PAX7: variants seen among roughly 807,000 people sequenced by gnomAD.
The protein encoded by PAX7 is paired box protein Pax-7.
Under a neutral mutation model 50.7 loss-of-function variants are expected in PAX7, and 18 were observed. The observed-to-expected ratio is 0.36, with a 90% CI of 0.25 to 0.53. The LOEUF is 0.53. Ranked by LOEUF, PAX7 falls within the 20% of genes least tolerant of loss-of-function variation. The pLI, the probability that PAX7 is intolerant of heterozygous loss-of-function variation, is 0.93. For synonymous variants in PAX7, 310 were observed against 290.4 expected, an observed-to-expected ratio of 1.07 and a Z score of -0.69; for missense variants, 644 against 702.9, an observed-to-expected ratio of 0.92 and a Z score of 0.95.
In PAX7 at chr1:18,634,998, A is replaced by G. The variant is rs1364546657; in HGVS notation, c.322-113A>G. On this transcript the variant is annotated intron_variant, in intron 2 of 8. Transcript: ENST00000420770. The surrounding 1 kb of genome is among the most constrained non-coding windows in gnomAD (Gnocchi z 4.0). ...AATCTCTTGGGGGATGGGGGGACAC[A>G]AGGTAACCAGAACCACCAGCCTGGT... The G allele has an allele frequency of 7.6e-7, 1 of 1,321,878 alleles. No homozygotes were observed. The highest frequency in any genetic ancestry group is 2.5e-5 in the East Asian group (1 of 40,378). The allele number at this position is 1,321,878 out of a possible 1,614,324, so 81.9% of individuals were successfully genotyped here.
chr1:18,710,713 C>T (rs761294699), intron 7 of PAX7, among the ~76,000 whole-genome samples: 8 of 152,028 alleles, frequency 5.3e-5, no homozygotes, highest in Admixed American at 2.6e-4. Context: ...TTGAATGCTG[C>T]GTTTGTCCAC....
rs114894680 is a variant in PAX7, at chr1:18,644,076, G to A, written c.586+7705G>A. Among the ~76,000 whole-genome samples, 208 of 152,348 alleles carry A rather than the reference G, an allele frequency of 1.4e-3. 2 individuals carry two copies. Among genetic ancestry groups the A allele is most frequent in the African/African-American group, 4.8e-3 (200 of 41,580 alleles). ...AGTTCTTGGGAAGGGATGGCGCTCC[G>A]GCCACTTTCCCCTCTTCCAGGCTGC... On this transcript the variant is annotated intron_variant, in intron 4 of 8. Coordinates refer to ENST00000420770, the MANE Select transcript of PAX7 (RefSeq NM_001135254.2).
rs544822656 is a variant in PAX7 at position 18,636,499 on chromosome 1, G to T, written c.586+128G>T. The stretch of plus-strand genomic sequence containing the variant: ...TCCAGCGGAGAAACTCTCATGCTGC[G>T]GGGCAGCTGGGAGCCGCTCAGGCTT... On this transcript the variant is annotated intron_variant, in intron 4 of 8. Transcript: ENST00000420770. The surrounding 1 kb of genome is among the most constrained non-coding windows in gnomAD (Gnocchi z 5.1). 2.7e-5 allele frequency: 32 copies of T among 1,204,888 alleles called. No homozygotes were observed. Among genetic ancestry groups the T allele is most frequent in the Admixed American group, 1.9e-4 (8 of 42,064 alleles). The allele number at this position is 1,204,888 out of a possible 1,614,324, so 74.6% of individuals were successfully genotyped here. A position where few individuals can be genotyped will look rare whatever the true frequency, so the allele number is the denominator to read the frequency against.
rs141648960 is a variant in PAX7 at position 18,635,432 on chromosome 1, G to C, written c.451+192G>C. Among the ~76,000 whole-genome samples, 12 of 151,512 alleles carry C rather than the reference G, an allele frequency of 7.9e-5. No homozygotes were observed. In the East Asian group the frequency reaches 1.6e-3, roughly 20 times the overall value. Reference sequence around the variant, plus strand: ...AATCAAAACAGAATGGAATAAGATGGAAAGAAGGAATAGGGAAAGAAAAAA... The same window carrying C: ...AATCAAAACAGAATGGAATAAGATGCAAAGAAGGAATAGGGAAAGAAAAAA... On this transcript the variant is annotated intron_variant, in intron 3 of 8. Transcript: ENST00000420770.
rs554088819 is a variant in PAX7, at chr1:18,697,495, G to A, written c.787-3158G>A. ...CTCATTTGAGGTCCAGAACCACCTA[G>A]GAGGTGGCTGTTATTAGCCCCATTT... is the stretch of plus-strand genomic sequence containing the variant. On this transcript the variant is annotated intron_variant, in intron 5 of 8. Transcript: ENST00000420770. 3.5e-4 allele frequency among the ~76,000 whole-genome samples: 53 copies of A among 152,256 alleles called. 1 individual carries two copies. The highest frequency in any genetic ancestry group is 3.4e-3 in the Middle Eastern group (1 of 294).
chr1:18,631,794 AG>A, intron 1 of PAX7, 106 bp downstream of exon 1: 1 of 910,310 alleles, frequency 1.1e-6, no homozygotes, highest in Admixed American at 2.1e-5. Context: ...GCGATAGCAG[AG>A]GGATCCCGTT....
chr1:18,677,828 A>C (rs1557524689), intron 4 of PAX7, among the ~76,000 whole-genome samples: 1 of 152,124 alleles, frequency 6.6e-6, no homozygotes, highest in African/African-American at 2.4e-5. Flanking sequence ...TCACGGCTGT[A>C]ATCTCAGCAC....
chr1:18,667,445 A>T (rs1173764180), intron 4 of PAX7, among the ~76,000 whole-genome samples: 1 of 144,050 alleles, frequency 6.9e-6, no homozygotes, highest in Non-Finnish European at 1.5e-5. Flanking sequence ...GAAGGAAGGA[A>T]GGAAGGAGCT....
intron 7 of PAX7, among the ~76,000 whole-genome samples, chr1:18,727,712 G>A (rs763594026): frequency 5.3e-5 from 8 of 152,228 alleles, no homozygotes; most frequent in East Asian, 1.9e-4. Context: ...TTAGAAAAGC[G>A]TTCATGGAGG....
chr1:18,700,544 G>T lies in PAX7; in HGVS notation c.787-109G>T. 9.8e-7 allele frequency: 1 copy of T among 1,016,466 alleles called. No individual in the cohort carries two copies. Among genetic ancestry groups the T allele is most frequent in the East Asian group, 2.8e-5 (1 of 35,126 alleles). 63.0% of individuals were successfully genotyped at this position (1,016,466 alleles called of 1,614,324 possible). A position where few individuals can be genotyped will look rare whatever the true frequency, so the allele number is the denominator to read the frequency against. ...ACAATGCCGGGGCCTGCAGGAGGAT[G>T]CTGGCTGGATCAGAGGGTGATGGCT... On this transcript the variant is annotated intron_variant, in intron 5 of 8. Transcript: ENST00000420770. The surrounding 1 kb of genome is among the most constrained non-coding windows in gnomAD (Gnocchi z 4.8).
At chr1:18,716,049 C>G (rs1206568183) in intron 7 of PAX7, among the ~76,000 whole-genome samples, 2 of 152,148 alleles carry the variant, frequency 1.3e-5, no homozygotes, top group African/African-American at 4.8e-5. Context: ...GGCTCCCTAA[C>G]CTTCCCCACC....
intron 7 of PAX7, among the ~76,000 whole-genome samples, chr1:18,712,348 C>T (rs1192136428): frequency 2.6e-5 from 4 of 152,228 alleles, no homozygotes; most frequent in African/African-American, 9.6e-5. Flanking sequence ...AAACCACCTG[C>T]TCAAGTCCAT....
At chr1:18,675,609 T>C (rs907405432) in intron 4 of PAX7, among the ~76,000 whole-genome samples, 16 of 152,180 alleles carry the variant, frequency 1.1e-4, no homozygotes, top group Non-Finnish European at 1.5e-5. Flanking sequence ...CCACCTGCTG[T>C]CCTGCTCTCT....
At chr1:18,667,882 C>T (rs900712306) in intron 4 of PAX7, among the ~76,000 whole-genome samples, 1 of 152,118 alleles carries the variant, frequency 6.6e-6, no homozygotes, top group Non-Finnish European at 1.5e-5. Context: ...TGCCCTCTCC[C>T]CAGCTCCCAA....
At chr1:18,637,934 T>A (rs977741400) in intron 4 of PAX7, among the ~76,000 whole-genome samples, 2 of 152,358 alleles carry the variant, frequency 1.3e-5, no homozygotes, top group Admixed American at 1.3e-4. Flanking sequence ...TGCCAAGCGG[T>A]CCTTGGCTAG....
chr1:18,745,057 A>T lies in PAX7; in HGVS notation c.*128A>T. The T allele has an allele frequency of 1.6e-6, 1 of 626,110 alleles. No individual in the cohort carries two copies. Among genetic ancestry groups the T allele is most frequent in the East Asian group, 2.7e-5 (1 of 36,478 alleles). 38.8% of individuals were successfully genotyped at this position (626,110 alleles called of 1,614,324 possible). ...CAGGAAAGGAGCCCACCTGCTTCTC[A>T]TCACCAGCCCCCTGGAGGTAGACAG... is the stretch of plus-strand genomic sequence containing the variant. On this transcript the variant is annotated 3_prime_UTR_variant, in exon 9 of 9. Transcript: ENST00000420770.
chr1:18,636,023 C>T lies in PAX7; in HGVS notation c.452-214C>T, dbSNP rs2088149356. 6.6e-6 allele frequency among the ~76,000 whole-genome samples: 1 copy of T among 151,992 alleles called. No individual in the cohort carries two copies. The highest frequency in any genetic ancestry group is 2.4e-5 in the African/African-American group (1 of 41,364). ...TGCATAGAAATGCACAGTCTAACCA[C>T]CCTGTGAGTGCCCGGGGTGTGAGTC... On this transcript the variant is annotated intron_variant, in intron 3 of 8. Coordinates refer to ENST00000420770, the MANE Select transcript of PAX7 (RefSeq NM_001135254.2). This position sits in a 1 kb window ranked among gnomAD's most constrained non-coding sequence, Gnocchi z 5.1.
Position 18,634,403 on chromosome 1 carries a change from G to A in PAX7, c.186G>A (p.Met62Ile). ...ACATCCGCCACAAGATAGTGGAGAT[G>A]GCCCACCATGGCATCCGGCCCTGTG... ...PNHIRHKIVE[M>I]AHHGIRPCVI... The change falls in exon 2 of 9, where the codon ATG (methionine) becomes ATA (isoleucine). Residue 62 changes from methionine to isoleucine, a missense_variant. Coordinates refer to ENST00000420770, the MANE Select transcript of PAX7 (RefSeq NM_001135254.2). This position sits in a 1 kb window ranked among gnomAD's most constrained non-coding sequence, Gnocchi z 4.0. 1 of 1,614,200 alleles carries A rather than the reference G, an allele frequency of 6.2e-7. No individual in the cohort carries two copies.
Position 18,634,679 on chromosome 1 carries a change from A to G in PAX7, c.321+141A>G. On this transcript the variant is annotated intron_variant, in intron 2 of 8. Transcript: ENST00000420770. The surrounding 1 kb of genome is among the most constrained non-coding windows in gnomAD (Gnocchi z 4.0). ...GTCTTCTACTCCCAGATGTCCTCCC[A>G]TTGTTTTCCTATTATTTGAATTTCT... 1.5e-6 allele frequency: 1 copy of G among 669,594 alleles called. No homozygotes were observed. Among genetic ancestry groups the G allele is most frequent in the Non-Finnish European group, 2.5e-6 (1 of 395,332 alleles). 41.5% of individuals were successfully genotyped at this position (669,594 alleles called of 1,614,324 possible). A position where few individuals can be genotyped will look rare whatever the true frequency, so the allele number is the denominator to read the frequency against.
Sources: gnomAD v4.1 joint callset for allele counts (sites outside exome capture counted in the v4.1 genomes callset) on GRCh38, gnomAD v4.1.1 for gene constraint, Gnocchi (gnomAD v3.1) non-coding constraint, MANE v1.5 for transcripts, NCBI Gene and HGNC (gene_info 2026-07-23, HGNC 2026-07-21) for gene names.